LEPROT: variants seen among roughly 807,000 people sequenced by gnomAD.
LEPROT encodes leptin receptor gene-related protein.
LEPROT carries 3 observed loss-of-function variants against 15.4 expected under a neutral mutation model. That is an observed-to-expected ratio of 0.19 (90% CI 0.09 to 0.50). The LOEUF (loss-of-function observed/expected upper bound fraction) is 0.50, where lower values mean the gene tolerates loss of function less well. Among genes scored for constraint, LEPROT ranks in the 20% least tolerant of loss-of-function variants. The pLI, the probability that LEPROT is intolerant of heterozygous loss-of-function variation, is 0.97. For missense variants in LEPROT, 137 were observed against 162.2 expected, an observed-to-expected ratio of 0.84 and a Z score of 0.84; for synonymous variants, 59 against 57.5, an observed-to-expected ratio of 1.03 and a Z score of -0.12.
rs1422755440 is a variant in LEPROT at position 65,433,990 on chromosome 1, A to G, written c.*2071A>G. 9.1e-6 allele frequency: 9 copies of G among 985,238 alleles called. No individual in the cohort carries two copies. The highest frequency in any genetic ancestry group is 6.1e-5 in the Admixed American group (1 of 16,274). 61.0% of individuals were successfully genotyped at this position (985,238 alleles called of 1,614,324 possible). ...GTGTGCAATAGCTTTTCTTTCTAAG[A>G]TGGCAATAATGATTCATTTCTACTA... On this transcript the variant is annotated 3_prime_UTR_variant, in exon 4 of 4. Coordinates refer to ENST00000371065, the MANE Select transcript of LEPROT (RefSeq NM_017526.5).
Position 65,425,322 on chromosome 1 carries a change from C to A in LEPROT, c.36C>A (p.Phe12Leu), listed in dbSNP as rs748845719. The A allele has an allele frequency of 1.6e-5, 26 of 1,611,430 alleles. No individual in the cohort carries two copies. Among genetic ancestry groups the A allele is most frequent in the Non-Finnish European group, 2.2e-5 (26 of 1,179,374 alleles). Residue 12 changes from phenylalanine (F) to leucine (L), a missense_variant, in exon 2 of 4, where the codon TTC becomes TTA. Phe to Leu is a conservative substitution (Grantham distance 22, BLOSUM62 0). Coordinates refer to ENST00000371065, the MANE Select transcript of LEPROT (RefSeq NM_017526.5). ...TCACAGCTCTCGTGGCATTATCCTT[C>A]AGTGGGGCTATTGGACTGACTTTTC... Reference protein sequence around the residue: ...AGVKALVALSFSGAIGLTFLM... With the variant: ...AGVKALVALSLSGAIGLTFLM...
rs769677957 is a variant in LEPROT at position 65,435,163 on chromosome 1, C to T, written c.*3244C>T. ...TCTCTTCCTCAGGAGGAGTTCTGAG[C>T]TGGTCCTGCTTTTCATAGTTGTTTC... On this transcript the variant is annotated 3_prime_UTR_variant, in exon 4 of 4. Transcript: ENST00000371065. 2.0e-6 allele frequency: 2 copies of T among 985,248 alleles called. No homozygotes were observed. Among genetic ancestry groups the T allele is most frequent in the Non-Finnish European group, 2.4e-6 (2 of 829,950 alleles). The allele number at this position is 985,248 out of a possible 1,614,324, so 61.0% of individuals were successfully genotyped here.
intron 2 of LEPROT, chr1:65,427,795 C>G (rs2101692440): frequency 2.4e-6 from 1 of 414,316 alleles, no homozygotes; most frequent in East Asian, 7.6e-5. Flanking sequence ...TGCCACAACA[C>G]CCAGCTGATT....
chr1:65,421,310 TTC>T (rs1281343445), intron 1 of LEPROT: 1 of 1,513,268 alleles, frequency 6.6e-7, no homozygotes, highest in Non-Finnish European at 8.8e-7. Context: ...CTTCGGTGTT[TTC>T]TCTGTTTATG....
rs1163900471 is a variant in LEPROT at position 65,431,841 on chromosome 1, T to G, written c.318T>G (p.Asn106Lys). 2 of 1,614,012 alleles carry G rather than the reference T, an allele frequency of 1.2e-6. No individual in the cohort carries two copies. The highest frequency in any genetic ancestry group is 1.7e-6 in the Non-Finnish European group (2 of 1,179,974). The change falls in exon 4 of 4, where the codon AAT (asparagine) becomes AAG (lysine). Residue 106 changes from asparagine (N) to lysine (K), a missense_variant. Asn to Lys is a moderately conservative substitution (Grantham distance 94, BLOSUM62 0). Transcript: ENST00000371065. ...WGACGLVLAG[N>K]AVIFLTIQGF... ...CCTGCGGCCTTGTGTTGGCAGGCAA[T>G]GCAGTCATTTTCCTTACAATTCAAG... is the stretch of plus-strand genomic sequence containing the variant.
At chr1:65,421,318 T>G in intron 1 of LEPROT, 2 of 1,530,434 alleles carry the variant, frequency 1.3e-6, no homozygotes, top group Admixed American at 2.0e-5. Flanking sequence ...TTTTCTCTGT[T>G]TATGGACAGA....
chr1:65,421,327 G>C, intron 1 of LEPROT: 1 of 1,533,096 alleles, frequency 6.5e-7, no homozygotes, highest in Non-Finnish European at 8.7e-7. Context: ...TTTATGGACA[G>C]AGAAGAAACC....
Position 65,429,898 on chromosome 1 carries a change from C to T in LEPROT, c.129C>T (p.Ala43=). The T allele has an allele frequency of 6.6e-7, 1 of 1,521,036 alleles. No homozygotes were observed. Among genetic ancestry groups the T allele is most frequent in the Non-Finnish European group, 8.9e-7 (1 of 1,117,500 alleles). The allele number at this position is 1,521,036 out of a possible 1,614,324, so 94.2% of individuals were successfully genotyped here. The change falls in exon 3 of 4, where the codon GCC becomes GCT. Residue 43 remains alanine, a synonymous_variant. Transcript: ENST00000371065. ...CCTTATTCGTCCTGATTTTCCACGC[C>T]ATCTCCCCCATCCCCCATTTCATTG... ...YWPLFVLIFH[A]ISPIPHFIAK... is the part of the protein sequence containing the mutation.
intron 2 of LEPROT, among the ~76,000 whole-genome samples, chr1:65,427,275 C>A (rs1646396157): frequency 6.6e-6 from 1 of 152,030 alleles, no homozygotes; most frequent in African/African-American, 2.4e-5. Context: ...CCAGATTGAA[C>A]AGCAGTAAGT....
At chr1:65,424,639 A>G (rs1255716005) in intron 1 of LEPROT, among the ~76,000 whole-genome samples, 4 of 152,246 alleles carry the variant, frequency 2.6e-5, no homozygotes, top group Admixed American at 2.0e-4. Context: ...AACAACAAAC[A>G]TTTAGTTTCC....
Position 65,432,890 on chromosome 1 carries a change from A to G in LEPROT, c.*971A>G, listed in dbSNP as rs1646506160. ...ATTCCACCTTATATTCAAAAATCAT[A>G]AAACCGTATTGTACCCTATAAAAAT... On this transcript the variant is annotated 3_prime_UTR_variant, in exon 4 of 4. Transcript: ENST00000371065. The G allele has an allele frequency of 2.3e-6, 2 of 875,748 alleles. No individual in the cohort carries two copies. Among genetic ancestry groups the G allele is most frequent in the Non-Finnish European group, 2.7e-6 (2 of 729,944 alleles). The allele number at this position is 875,748 out of a possible 1,614,324, so 54.2% of individuals were successfully genotyped here.
chr1:65,433,305 CT>C lies in LEPROT; in HGVS notation c.*1388del. ...TTTCACTACGTGTTGATGTACTTGT[CT>C]TCCGTCCTGTAGGTCTTTTCTATAT... On this transcript the variant is annotated 3_prime_UTR_variant, in exon 4 of 4. Transcript: ENST00000371065. 1.1e-5 allele frequency: 11 copies of C among 985,416 alleles called. No individual in the cohort carries two copies. Among genetic ancestry groups the C allele is most frequent in the Non-Finnish European group, 1.3e-5 (11 of 829,928 alleles). The allele number at this position is 985,416 out of a possible 1,614,324, so 61.0% of individuals were successfully genotyped here. A position where few individuals can be genotyped will look rare whatever the true frequency, so the allele number is the denominator to read the frequency against.
intron 1 of LEPROT, 25 bp from the exon 2 acceptor site, chr1:65,425,272 GAACTTT>G: frequency 6.2e-7 from 1 of 1,603,338 alleles, no homozygotes; most frequent in Non-Finnish European, 8.5e-7. Flanking sequence ...TCTACTGTGG[GAACTTT>G]AACTTTTGGC....
chr1:65,430,121 A>G, intron 3 of LEPROT, 73 bp downstream of exon 3: 1 of 1,300,136 alleles, frequency 7.7e-7, no homozygotes, highest in Non-Finnish European at 1.0e-6. Context: ...TGGGACCTCC[A>G]TTTCATGCTC....
Position 65,435,366 on chromosome 1 carries a change from C to CTTTTCTT in LEPROT, c.*3451_*3452insCTTTTTT. 1 of 724,232 alleles carries CTTTTCTT rather than the reference C, an allele frequency of 1.4e-6. No individual in the cohort carries two copies. Among genetic ancestry groups the CTTTTCTT allele is most frequent in the Non-Finnish European group, 1.6e-6 (1 of 612,896 alleles). 44.9% of individuals were successfully genotyped at this position (724,232 alleles called of 1,614,324 possible). A position where few individuals can be genotyped will look rare whatever the true frequency, so the allele number is the denominator to read the frequency against. ...TGTCACAAAATGTGCCTTTTCTTTT[C>CTTTTCTT]TTTTTTTTTTTTTTTTTTTGAGGCA... is the stretch of plus-strand genomic sequence containing the variant. On this transcript the variant is annotated 3_prime_UTR_variant, in exon 4 of 4. Coordinates refer to ENST00000371065, the MANE Select transcript of LEPROT (RefSeq NM_017526.5).
chr1:65,430,508 C>A (rs1343451690), intron 3 of LEPROT, among the ~76,000 whole-genome samples: 1 of 152,170 alleles, frequency 6.6e-6, no homozygotes, highest in Admixed American at 6.5e-5. Context: ...AAGTTGACAT[C>A]TTCACTTCCA....
At position 65,434,389 on chromosome 1, in the gene LEPROT, T is replaced by G. The variant is rs1646529792; in HGVS notation, c.*2470T>G. On this transcript the variant is annotated 3_prime_UTR_variant, in exon 4 of 4. Transcript: ENST00000371065. ...AGTGACTATAGTCGAAAACTGAGAT[T>G]GCACTTCCAAAATTGGCCACAAGTA... 2 of 985,298 alleles carry G rather than the reference T, an allele frequency of 2.0e-6. No homozygotes were observed. The highest frequency in any genetic ancestry group is 3.5e-5 in the African/African-American group (2 of 57,230). The allele number at this position is 985,298 out of a possible 1,614,324, so 61.0% of individuals were successfully genotyped here.
At chr1:65,425,243 C>G (rs1373304247) in intron 1 of LEPROT, 60 bp from the exon 2 acceptor site, 19 of 1,455,014 alleles carry the variant, frequency 1.3e-5, no homozygotes, top group Non-Finnish European at 1.6e-5. Context: ...TTCCCCAAAC[C>G]CTCTAGTGCC....
In LEPROT at chr1:65,425,500, T is replaced by A. The variant is rs9436298; in HGVS notation, c.92+122T>A. ...TAACCAGTGAGTTAGTGGAGCCCAG[T>A]TTATGAACACAGTCCCTTTGTGGGT... On this transcript the variant is annotated intron_variant, in intron 2 of 3. Coordinates refer to ENST00000371065, the MANE Select transcript of LEPROT (RefSeq NM_017526.5). The A allele has an allele frequency of 0.012, 8,437 of 718,438 alleles. 214 individuals are homozygous for A. The highest frequency in any genetic ancestry group is 0.08 in the African/African-American group (4,311 of 53,850). The allele number at this position is 718,438 out of a possible 1,614,324, so 44.5% of individuals were successfully genotyped here. A position where few individuals can be genotyped will look rare whatever the true frequency, so the allele number is the denominator to read the frequency against.
Sources: allele counts gnomAD v4.1 joint callset (sites outside exome capture counted in the v4.1 genomes callset), GRCh38; gene constraint gnomAD v4.1.1; transcripts MANE v1.5; gene names NCBI Gene and HGNC (gene_info 2026-07-23, HGNC 2026-07-21).